SGCZ: variants seen among roughly 807,000 people sequenced by gnomAD.
SGCZ encodes the protein sarcoglycan zeta.
In SGCZ, 40 loss-of-function variants were observed where a neutral mutation model predicts 41.3. That is an observed-to-expected ratio of 0.97 (90% CI 0.75 to 1.26). The LOEUF (loss-of-function observed/expected upper bound fraction) is 1.26, where lower values mean the gene tolerates loss of function less well. Among genes scored for constraint, SGCZ ranks in the 50% most tolerant of loss-of-function variants. The probability of loss-of-function intolerance (pLI) is 0.00; values close to 1 mark genes in which losing one functional copy is unlikely to be tolerated. For synonymous variants in SGCZ, 206 were observed against 137.5 expected, an observed-to-expected ratio of 1.50 and a Z score of -3.49; for missense variants, 552 against 369.8, an observed-to-expected ratio of 1.49 and a Z score of -4.04.
At chr8:14,883,777 T>TTG (rs1804683414) in intron 1 of SGCZ, among the ~76,000 whole-genome samples, 3 of 70,824 alleles carry the variant, frequency 4.2e-5, no homozygotes, top group Admixed American at 2.5e-4. Flanking sequence ...CATCCTGTTG[T>TTG]TTTTTTTTTT....
In SGCZ at chr8:15,153,858, C is replaced by T. The variant is rs147413133; in HGVS notation, c.39+83727G>A. On this transcript the variant is annotated intron_variant, in intron 1 of 7. Transcript: ENST00000382080. ...AAATTTATAATCCTTTATAAATCAG[C>T]AATTTCCAACCTTTTTGGCACCAGG... Among the ~76,000 whole-genome samples the T allele has an allele frequency of 1.6e-3, 241 of 152,172 alleles. 1 individual carries two copies. Among genetic ancestry groups the T allele is most frequent in the African/African-American group, 5.7e-3 (235 of 41,522 alleles).
At chr8:14,444,280 A>G (rs927064283) in intron 2 of SGCZ, among the ~76,000 whole-genome samples, 1 of 152,190 alleles carries the variant, frequency 6.6e-6, no homozygotes, top group African/African-American at 2.4e-5. Flanking sequence ...TAGAACTAGA[A>G]ATACCATTTA....
At chr8:14,584,271 G>C (rs182580674) in intron 1 of SGCZ, among the ~76,000 whole-genome samples, 1 of 152,272 alleles carries the variant, frequency 6.6e-6, no homozygotes. Flanking sequence ...ACAAGGCGCA[G>C]AAAGCACAGG....
chr8:14,138,809 C>T (rs552142168), intron 5 of SGCZ, among the ~76,000 whole-genome samples: 31 of 151,940 alleles, frequency 2.0e-4, no homozygotes, highest in East Asian at 1.9e-4. Flanking sequence ...AAGGATATCC[C>T]GGACTTGAAC....
chr8:14,713,294 C>T (rs377634162), intron 1 of SGCZ, among the ~76,000 whole-genome samples: 2 of 152,130 alleles, frequency 1.3e-5, no homozygotes, highest in African/African-American at 4.8e-5. Context: ...GAGTAACTTA[C>T]ATTTTCAGAT....
rs190563776 is a variant in SGCZ, at chr8:14,451,617, T to C, written c.234+103115A>G. ...TCTGATAAAGGACTGCTATTCAAAA[T>C]ATACGACAAACTCTTAAAACTCTAT... is the stretch of plus-strand genomic sequence containing the variant. On this transcript the variant is annotated intron_variant, in intron 2 of 7. Coordinates refer to ENST00000382080, the MANE Select transcript of SGCZ (RefSeq NM_139167.4). 2.7e-3 allele frequency among the ~76,000 whole-genome samples: 406 copies of C among 152,296 alleles called. 3 individuals are homozygous for C. The highest frequency in any genetic ancestry group is 8.8e-3 in the African/African-American group (364 of 41,564).
intron 1 of SGCZ, among the ~76,000 whole-genome samples, chr8:15,164,992 T>C (rs1160154968): frequency 6.6e-6 from 1 of 152,118 alleles, no homozygotes; most frequent in African/African-American, 2.4e-5. Flanking sequence ...GTGATGTGTG[T>C]CAAAAGAGCT....
At chr8:14,701,888 T>A (rs1809149057) in intron 1 of SGCZ, among the ~76,000 whole-genome samples, 1 of 151,970 alleles carries the variant, frequency 6.6e-6, no homozygotes, top group Admixed American at 6.6e-5. Flanking sequence ...CCTAAAAATA[T>A]GTGGAAATAG....
intron 2 of SGCZ, among the ~76,000 whole-genome samples, chr8:14,419,311 A>G (rs1799578054): frequency 6.6e-6 from 1 of 151,956 alleles, no homozygotes; most frequent in African/African-American, 2.4e-5. Context: ...TACGTAAATC[A>G]TCTTATTTTC....
intron 3 of SGCZ, among the ~76,000 whole-genome samples, chr8:14,278,685 T>C (rs1049848252): frequency 3.9e-5 from 6 of 152,194 alleles, no homozygotes; most frequent in Admixed American, 3.3e-4. Context: ...TGATTTGATA[T>C]AATCTTTCTA....
At chr8:14,903,740 G>C (rs1233053079) in intron 1 of SGCZ, among the ~76,000 whole-genome samples, 1 of 152,010 alleles carries the variant, frequency 6.6e-6, no homozygotes, top group African/African-American at 2.4e-5. Flanking sequence ...GGGACAGTCA[G>C]AGTACATTAT....
chr8:15,064,602 C>A (rs959179209), intron 1 of SGCZ, among the ~76,000 whole-genome samples: 1 of 148,372 alleles, frequency 6.7e-6, no homozygotes, highest in African/African-American at 2.5e-5. Flanking sequence ...AGCCAAAGAA[C>A]TGAAACTCAC....
chr8:14,757,577 C>T (rs572762849), intron 1 of SGCZ, among the ~76,000 whole-genome samples: 15 of 152,164 alleles, frequency 9.9e-5, no homozygotes, highest in African/African-American at 3.4e-4. Context: ...TTGCCTGGTA[C>T]ATAAAAAGGA....
chr8:14,476,007 A>G (rs1393808886), intron 2 of SGCZ, among the ~76,000 whole-genome samples: 2 of 150,804 alleles, frequency 1.3e-5, no homozygotes, highest in Non-Finnish European at 3.0e-5. Context: ...GGGTCTCACT[A>G]TGTTGCCCTG....
At position 14,418,453 on chromosome 8, in the gene SGCZ, G is replaced by C. The variant is rs1354601534; in HGVS notation, c.235-94249C>G. Among the ~76,000 whole-genome samples, 6 of 151,974 alleles carry C rather than the reference G, an allele frequency of 3.9e-5. No individual in the cohort carries two copies. The East Asian group carries it at 1.2e-3, about 29-fold the overall frequency. ...GACTTCTGGTAGTATGATTGTATTT[G>C]TCTTGCTGTCAGGAAGATTACACAT... On this transcript the variant is annotated intron_variant, in intron 2 of 7. Coordinates refer to ENST00000382080, the MANE Select transcript of SGCZ (RefSeq NM_139167.4).
At chr8:14,818,220 C>A in intron 1 of SGCZ, among the ~76,000 whole-genome samples, 1 of 152,160 alleles carries the variant, frequency 6.6e-6, no homozygotes, top group African/African-American at 2.4e-5. Context: ...ACTGCCTCCC[C>A]AGAGAGCCCA....
intron 1 of SGCZ, among the ~76,000 whole-genome samples, chr8:14,715,291 A>G (rs1400997838): frequency 6.6e-6 from 1 of 151,886 alleles, no homozygotes; most frequent in East Asian, 1.9e-4. Flanking sequence ...TGCCAAAAAA[A>G]TTGGGGAGGA....
chr8:14,462,726 T>G (rs1324377817), intron 2 of SGCZ, among the ~76,000 whole-genome samples: 1 of 151,840 alleles, frequency 6.6e-6, no homozygotes, highest in Non-Finnish European at 1.5e-5. Flanking sequence ...TATATAAATT[T>G]TAGGATTTTG....
intron 2 of SGCZ, among the ~76,000 whole-genome samples, chr8:14,334,255 A>C (rs1802432114): frequency 6.6e-6 from 1 of 151,968 alleles, no homozygotes; most frequent in Admixed American, 6.6e-5. Flanking sequence ...TTTAATTTCC[A>C]CCCTAACTAT....
Sources: gnomAD v4.1 joint callset for allele counts (sites outside exome capture counted in the v4.1 genomes callset) on GRCh38, gnomAD v4.1.1 for gene constraint, MANE v1.5 for transcripts, NCBI Gene and HGNC (gene_info 2026-07-23, HGNC 2026-07-21) for gene names.